The following PRIM2 variants were observed in gnomAD, a reference collection of about 807,000 sequenced individuals.
PRIM2 encodes DNA primase subunit 2.
In PRIM2, 39 loss-of-function variants were observed where a neutral mutation model predicts 67.3. That is an observed-to-expected ratio of 0.58 (90% CI 0.45 to 0.76). The LOEUF is 0.76. PRIM2 is among the 30% of genes least tolerant of loss of function. The pLI is 0.00. For missense variants in PRIM2, 398 were observed against 598.7 expected, an observed-to-expected ratio of 0.66 and a Z score of 3.50; for synonymous variants, 143 against 198.7, an observed-to-expected ratio of 0.72 and a Z score of 2.36.
intron 7 of PRIM2, among the ~76,000 whole-genome samples, chr6:57,409,249 C>T (rs1467470801): frequency 5.9e-5 from 9 of 151,882 alleles, no homozygotes; most frequent in Non-Finnish European, 1.2e-4. Flanking sequence ...GATCTTGGCT[C>T]ACTGCAAGCT....
chr6:57,396,084 A>G (rs6923426), intron 7 of PRIM2, among the ~76,000 whole-genome samples: 2,337 of 152,260 alleles, frequency 0.015, 33 homozygotes, highest in African/African-American at 0.052. Flanking sequence ...CATATAGTCT[A>G]TCTTGGAGAA....
intron 10 of PRIM2, among the ~76,000 whole-genome samples, chr6:57,570,617 A>G (rs1297308829): frequency 6.6e-6 from 1 of 152,216 alleles, no homozygotes; most frequent in Non-Finnish European, 1.5e-5. Flanking sequence ...AAAAGTATCA[A>G]GTGGCTTTCC....
intron 7 of PRIM2, among the ~76,000 whole-genome samples, chr6:57,384,814 A>T (rs1308492438): frequency 6.6e-6 from 1 of 152,218 alleles, no homozygotes; most frequent in Non-Finnish European, 1.5e-5. Context: ...TTCACTTTGT[A>T]ATTTCTTTCA....
chr6:57,295,345 T>TA, the PRIM2 span, among the ~76,000 whole-genome samples: 9,529 of 148,356 alleles, frequency 0.064, 438 homozygotes, highest in East Asian at 0.18. Flanking sequence ...TTGAATTTTA[T>TA]AAAAAAAAAA....
chr6:57,307,004 G>T, the PRIM2 span, among the ~76,000 whole-genome samples: 1 of 151,964 alleles, frequency 6.6e-6, no homozygotes, highest in Non-Finnish European at 1.5e-5. Flanking sequence ...TTCGAGACCA[G>T]CCTAGCCAAC....
intron 5 of PRIM2, among the ~76,000 whole-genome samples, chr6:57,374,949 G>A (rs1338127697): frequency 1.3e-5 from 2 of 152,240 alleles, no homozygotes; most frequent in African/African-American, 4.8e-5. Flanking sequence ...TTGCTTATTA[G>A]CTTAAGAAGC....
At chr6:57,222,226 C>T in the PRIM2 span, 1 of 152,492 alleles carries the variant, frequency 6.6e-6, no homozygotes, top group Non-Finnish European at 1.5e-5. Context: ...GATTGAGTGG[C>T]TCAGCAGCAG....
chr6:57,290,127 G>GAA, the PRIM2 span, among the ~76,000 whole-genome samples: 3,647 of 118,012 alleles, frequency 0.031, 174 homozygotes, highest in African/African-American at 0.099. Context: ...CAAATAGAAA[G>GAA]AAAAAAAAAA....
chr6:57,571,664 A>C (rs1775865273), intron 10 of PRIM2, among the ~76,000 whole-genome samples: 2 of 149,836 alleles, frequency 1.3e-5, no homozygotes, highest in East Asian at 1.9e-4. Flanking sequence ...AGAAACCAAA[A>C]CAAAACAAAA....
the PRIM2 span, among the ~76,000 whole-genome samples, chr6:57,268,194 T>C: frequency 6.6e-6 from 1 of 152,186 alleles, no homozygotes; most frequent in Non-Finnish European, 1.5e-5. Context: ...TTCCTAGTCA[T>C]ATTCCTCCTT....
chr6:57,432,313 G>T (rs1771862384), intron 7 of PRIM2, among the ~76,000 whole-genome samples: 1 of 152,096 alleles, frequency 6.6e-6, no homozygotes, highest in Non-Finnish European at 1.5e-5. Flanking sequence ...TTCAAAACAG[G>T]ATATGTATGT....
intron 8 of PRIM2, among the ~76,000 whole-genome samples, chr6:57,513,706 T>A (rs1195805426): frequency 2.6e-5 from 4 of 152,184 alleles, no homozygotes; most frequent in African/African-American, 9.6e-5. Context: ...CCAGCCTGTC[T>A]CTACTAAAAA....
chr6:57,255,300 C>T, the PRIM2 span, among the ~76,000 whole-genome samples: 1 of 152,056 alleles, frequency 6.6e-6, no homozygotes, highest in East Asian at 1.9e-4. Context: ...AGATCAAGAC[C>T]ATCCTGGCTA....
chr6:57,570,897 A>AT (rs1234473767), intron 10 of PRIM2, among the ~76,000 whole-genome samples: 15 of 152,038 alleles, frequency 9.9e-5, no homozygotes, highest in Middle Eastern at 3.4e-3. Context: ...GCTGAGGAGC[A>AT]TTTTTTTTAT....
At chr6:57,627,682 C>T (rs1229138506) in intron 12 of PRIM2, among the ~76,000 whole-genome samples, 5 of 152,014 alleles carry the variant, frequency 3.3e-5, no homozygotes, top group African/African-American at 7.3e-5. Flanking sequence ...CCACCGTGCC[C>T]GTCCACTACT....
the PRIM2 span, among the ~76,000 whole-genome samples, chr6:57,305,333 A>G: frequency 1.3e-5 from 2 of 152,210 alleles, no homozygotes; most frequent in Non-Finnish European, 2.9e-5. Context: ...ATTAGGGATA[A>G]GTACAGAGAA....
chr6:57,322,879 A>G (rs1265364462), intron 3 of PRIM2, among the ~76,000 whole-genome samples: 1 of 152,166 alleles, frequency 6.6e-6, no homozygotes, highest in East Asian at 1.9e-4. Context: ...AGAGAAGGGA[A>G]AGGTGCTATA....
chr6:57,291,282 C>G, the PRIM2 span, among the ~76,000 whole-genome samples: 1 of 152,166 alleles, frequency 6.6e-6, no homozygotes, highest in African/African-American at 2.4e-5. Context: ...CCCATACACC[C>G]TCCCAAGACT....
chr6:57,238,865 C>T, the PRIM2 span, among the ~76,000 whole-genome samples: 2 of 152,202 alleles, frequency 1.3e-5, no homozygotes, highest in South Asian at 4.1e-4. Flanking sequence ...GCTTAACAGC[C>T]TTGAATAACT....
Sources: gnomAD v4.1 joint callset for allele counts (sites outside exome capture counted in the v4.1 genomes callset) on GRCh38, gnomAD v4.1.1 for gene constraint, MANE v1.5 for transcripts, NCBI Gene and HGNC (gene_info 2026-07-23, HGNC 2026-07-21) for gene names.